Variants in PRKN observed in about 807,000 individuals in gnomAD.
PRKN encodes the protein E3 ubiquitin-protein ligase parkin.
In PRKN, 56 loss-of-function variants were observed where a neutral mutation model predicts 59.5. That is an observed-to-expected ratio of 0.94 (90% CI 0.76 to 1.18). The LOEUF (loss-of-function observed/expected upper bound fraction) is 1.18. Among genes scored for constraint, PRKN ranks in the 50% most tolerant of loss-of-function variants. The probability of loss-of-function intolerance (pLI) is 0.00; values close to 1 mark genes in which losing one functional copy is unlikely to be tolerated. For synonymous variants in PRKN, 250 were observed against 222.1 expected, an observed-to-expected ratio of 1.13 and a Z score of -1.12; for missense variants, 657 against 596.4, an observed-to-expected ratio of 1.10 and a Z score of -1.06.
intron 1 of PRKN, among the ~76,000 whole-genome samples, chr6:162,570,125 A>G (rs1026567604): frequency 3.9e-5 from 6 of 152,230 alleles, no homozygotes; most frequent in Admixed American, 2.0e-4. Flanking sequence ...TAATAATCTG[A>G]TCATTTTAAA....
intron 1 of PRKN, among the ~76,000 whole-genome samples, chr6:162,507,616 T>A (rs528883639): frequency 6.6e-6 from 1 of 152,192 alleles, no homozygotes; most frequent in Non-Finnish European, 1.5e-5. Flanking sequence ...CTAGGTAAAT[T>A]AACTGATAGG....
intron 1 of PRKN, among the ~76,000 whole-genome samples, chr6:162,714,201 C>T (rs2849515): frequency 0.011 from 1,746 of 152,038 alleles, 11 homozygotes; most frequent in Non-Finnish European, 0.019. Context: ...CGTAAACAGA[C>T]GCAAATATCT....
At position 161,480,234 on chromosome 6, in the gene PRKN, C is replaced by T. The variant is rs1791324518; in HGVS notation, c.1083+68620G>A. Among the ~76,000 whole-genome samples the T allele has an allele frequency of 6.6e-6, 1 of 152,164 alleles. No homozygotes were observed. Among genetic ancestry groups the T allele is most frequent in the South Asian group, 2.1e-4 (1 of 4,830 alleles). ...CCCAGTGCAAAACAAAGACACAGAG[C>T]CCCTTCTTCAAAAATGATTTAGCAT... On this transcript the variant is annotated intron_variant, in intron 9 of 11. Transcript: ENST00000366898. This position sits in a 1 kb window ranked among gnomAD's most constrained non-coding sequence, Gnocchi z 4.1.
intron 1 of PRKN, among the ~76,000 whole-genome samples, chr6:162,467,224 A>G (rs1048065871): frequency 5.9e-5 from 9 of 152,058 alleles, no homozygotes; most frequent in Non-Finnish European, 7.4e-5. Flanking sequence ...TATCAAACAC[A>G]ATTCATCATG....
chr6:162,711,609 C>T (rs544791237), intron 1 of PRKN, among the ~76,000 whole-genome samples: 1 of 152,234 alleles, frequency 6.6e-6, no homozygotes, highest in African/African-American at 2.4e-5. Context: ...CCCAAGCAGC[C>T]GTAGCTAATG....
chr6:162,537,414 A>G (rs1192861631), intron 1 of PRKN, among the ~76,000 whole-genome samples: 5 of 152,082 alleles, frequency 3.3e-5, no homozygotes, highest in South Asian at 4.1e-4. Flanking sequence ...CGCATCACCT[A>G]TATTTTATGC....
chr6:162,450,061 G>C (rs1028818936), intron 1 of PRKN, among the ~76,000 whole-genome samples: 2 of 152,106 alleles, frequency 1.3e-5, no homozygotes, highest in African/African-American at 4.8e-5. Flanking sequence ...ACCAAGACTG[G>C]GACACCTGCC....
chr6:161,860,175 C>T (rs940091581), intron 6 of PRKN, among the ~76,000 whole-genome samples: 3 of 152,050 alleles, frequency 2.0e-5, no homozygotes, highest in African/African-American at 4.8e-5. Context: ...TGGAAGTAAG[C>T]GAAAAGACAG....
At position 161,844,859 on chromosome 6, in the gene PRKN, C is replaced by A. The variant is rs538928245; in HGVS notation, c.735-58951G>T. ...ATGCTGATGTCAGCCGTGGAGTTGG[C>A]GTATGTGTTCTGTGGAATATCTCAT... is the stretch of plus-strand genomic sequence containing the variant. On this transcript the variant is annotated intron_variant, in intron 6 of 11. Transcript: ENST00000366898. Among the ~76,000 whole-genome samples, 3 of 152,278 alleles carry A rather than the reference C, an allele frequency of 2.0e-5. No individual in the cohort carries two copies. In the East Asian group the frequency reaches 5.8e-4, roughly 29 times the overall value.
At chr6:162,536,214 ATG>A (rs1212300853) in intron 1 of PRKN, among the ~76,000 whole-genome samples, 1 of 152,120 alleles carries the variant, frequency 6.6e-6, no homozygotes, top group Non-Finnish European at 1.5e-5. Flanking sequence ...ACTGTAAAAC[ATG>A]TGTGCTATAC....
Position 161,467,832 on chromosome 6 carries a change from T to G in PRKN, c.1084-80955A>C, listed in dbSNP as rs1216946405. ...TTCCTGGGGATTCCAGGGAGCTACA[T>G]TCTCAGGAGGAATGGCCATGGCTCC... is the stretch of plus-strand genomic sequence containing the variant. On this transcript the variant is annotated intron_variant, in intron 9 of 11. Transcript: ENST00000366898. The surrounding 1 kb of genome is among the most constrained non-coding windows in gnomAD (Gnocchi z 4.3). 6.6e-6 allele frequency among the ~76,000 whole-genome samples: 1 copy of G among 152,128 alleles called. No homozygotes were observed. Among genetic ancestry groups the G allele is most frequent in the Non-Finnish European group, 1.5e-5 (1 of 68,018 alleles).
At chr6:162,511,421 T>C (rs6933054) in intron 1 of PRKN, among the ~76,000 whole-genome samples, 396 of 148,904 alleles carry the variant, frequency 2.7e-3, no homozygotes, top group African/African-American at 9.4e-3. Context: ...CACAGACATG[T>C]ACACAGAACT....
chr6:161,558,005 G>C (rs1209680844), intron 8 of PRKN, among the ~76,000 whole-genome samples: 1 of 152,100 alleles, frequency 6.6e-6, no homozygotes, highest in Non-Finnish European at 1.5e-5. Context: ...ATCCCTCCTA[G>C]AGCAGAGGGG....
intron 6 of PRKN, among the ~76,000 whole-genome samples, chr6:161,827,570 C>T (rs113844227): frequency 0.01 from 1,421 of 135,868 alleles, 13 homozygotes; most frequent in African/African-American, 0.033. Context: ...AGTGCAGTGG[C>T]GTGATCTCGG....
chr6:162,495,839 C>A lies in PRKN; in HGVS notation c.8-52366G>T, dbSNP rs947325014. ...AGGTTCTCACCATCCCACACCTGGA[C>A]AGCCTGTGACACAGCCGGTCCGGGG... is the stretch of plus-strand genomic sequence containing the variant. On this transcript the variant is annotated intron_variant, in intron 1 of 11. Transcript: ENST00000366898. Among the ~76,000 whole-genome samples the A allele has an allele frequency of 1.2e-4, 18 of 152,230 alleles. 2 individuals carry two copies. The highest frequency in any genetic ancestry group is 1.5e-5 in the Non-Finnish European group (1 of 68,034).
intron 4 of PRKN, among the ~76,000 whole-genome samples, chr6:162,111,180 C>A (rs150193386): frequency 6.6e-6 from 1 of 152,086 alleles, no homozygotes; most frequent in Non-Finnish European, 1.5e-5. Flanking sequence ...AAGAGATGCA[C>A]GCTGGCTGGA....
intron 6 of PRKN, among the ~76,000 whole-genome samples, chr6:161,960,315 C>A (rs557487950): frequency 1.3e-5 from 2 of 152,256 alleles, no homozygotes; most frequent in African/African-American, 4.8e-5. Flanking sequence ...GGGCTCTGAA[C>A]CACTGTGCTT....
At chr6:162,183,304 C>T (rs1185324155) in intron 4 of PRKN, among the ~76,000 whole-genome samples, 2 of 152,146 alleles carry the variant, frequency 1.3e-5, no homozygotes, top group Admixed American at 6.5e-5. Context: ...GCTGCAGAAC[C>T]CAGGCTGCAG....
chr6:161,403,736 T>C (rs1038551874), intron 9 of PRKN, among the ~76,000 whole-genome samples: 1 of 152,194 alleles, frequency 6.6e-6, no homozygotes, highest in African/African-American at 2.4e-5. Context: ...GAACTCATGC[T>C]GAGATTTTAT....
Sources: gnomAD v4.1 joint callset for allele counts (sites outside exome capture counted in the v4.1 genomes callset) on GRCh38, gnomAD v4.1.1 for gene constraint, Gnocchi (gnomAD v3.1) non-coding constraint, MANE v1.5 for transcripts, NCBI Gene and HGNC (gene_info 2026-07-23, HGNC 2026-07-21) for gene names.